Variants in SPAG16 observed in about 807,000 individuals in gnomAD.
SPAG16 encodes the protein sperm-associated antigen 16 protein.
Under a neutral mutation model 80.4 loss-of-function variants are expected in SPAG16, and 86 were observed. That is an observed-to-expected ratio of 1.07 (90% CI 0.90 to 1.28). The LOEUF is 1.28. Among genes scored for constraint, SPAG16 ranks in the 50% most tolerant of loss-of-function variants. SPAG16 has a pLI of 0.00. For missense variants in SPAG16, 870 were observed against 765.3 expected, an observed-to-expected ratio of 1.14 and a Z score of -1.61; for synonymous variants, 294 against 265.9, an observed-to-expected ratio of 1.11 and a Z score of -1.03.
At chr2:214,110,659 G>A (rs923684914) in intron 14 of SPAG16, among the ~76,000 whole-genome samples, 6 of 152,194 alleles carry the variant, frequency 3.9e-5, no homozygotes, top group African/African-American at 1.4e-4. Flanking sequence ...CCCAGTAATG[G>A]GATGGCTGGG....
At chr2:214,368,358 G>A (rs142137624) in intron 15 of SPAG16, among the ~76,000 whole-genome samples, 1 of 151,984 alleles carries the variant, frequency 6.6e-6, no homozygotes, top group African/African-American at 2.4e-5. Flanking sequence ...CCTAGTCTGT[G>A]GTCAAGAAAA....
chr2:214,177,956 C>A (rs1362337127), intron 15 of SPAG16, among the ~76,000 whole-genome samples: 1 of 84,170 alleles, frequency 1.2e-5, no homozygotes, highest in Non-Finnish European at 2.2e-5. Flanking sequence ...TTATATCTAA[C>A]TTCACAAAGT....
chr2:213,811,815 G>A (rs2072173999), intron 10 of SPAG16, among the ~76,000 whole-genome samples: 1 of 152,124 alleles, frequency 6.6e-6, no homozygotes, highest in Non-Finnish European at 1.5e-5. Flanking sequence ...TGCTGAGACA[G>A]ATAGCTTTAA....
intron 15 of SPAG16, among the ~76,000 whole-genome samples, chr2:214,303,249 G>C (rs1056878563): frequency 1.8e-4 from 27 of 152,122 alleles, no homozygotes; most frequent in African/African-American, 6.5e-4. Context: ...GTGTTTTTAT[G>C]ATGGCAAGGA....
intron 10 of SPAG16, among the ~76,000 whole-genome samples, chr2:213,860,588 A>G (rs5015907): frequency 0.34 from 51,832 of 151,062 alleles, 9,372 homozygotes; most frequent in South Asian, 0.47. Context: ...CATGTGGAAT[A>G]GGAGTCCAAG....
At chr2:213,573,024 C>G (rs1319824652) in intron 10 of SPAG16, among the ~76,000 whole-genome samples, 1 of 152,172 alleles carries the variant, frequency 6.6e-6, no homozygotes, top group East Asian at 1.9e-4. Flanking sequence ...TCACCCCTTT[C>G]TTTGACTCGG....
chr2:214,383,121 A>G (rs1384873852), intron 15 of SPAG16, among the ~76,000 whole-genome samples: 1 of 152,220 alleles, frequency 6.6e-6, no homozygotes, highest in Non-Finnish European at 1.5e-5. Context: ...CACTGAACTT[A>G]TAATCCAATA....
chr2:214,092,900 C>T (rs1185349975), intron 13 of SPAG16, among the ~76,000 whole-genome samples: 5 of 150,622 alleles, frequency 3.3e-5, no homozygotes, highest in African/African-American at 1.2e-4. Flanking sequence ...GACTCTTGTG[C>T]CTTGATTCTT....
Position 213,684,477 on chromosome 2 carries a change from T to C in SPAG16, c.1071-178008T>C, listed in dbSNP as rs147413845. On this transcript the variant is annotated intron_variant, in intron 10 of 15. Coordinates refer to ENST00000331683, the MANE Select transcript of SPAG16 (RefSeq NM_024532.5). Reference sequence around the variant, plus strand: ...GACCATTCCAGAATTGATTTTACACTTCACTTTTCTAATGTTCACATATTA... The same window carrying C: ...GACCATTCCAGAATTGATTTTACACCTCACTTTTCTAATGTTCACATATTA... Among the ~76,000 whole-genome samples, 402 of 152,344 alleles carry C rather than the reference T, an allele frequency of 2.6e-3. 1 individual carries two copies. The highest frequency in any genetic ancestry group is 8.0e-3 in the African/African-American group (331 of 41,562).
At chr2:214,296,932 C>A (rs1338485443) in intron 15 of SPAG16, among the ~76,000 whole-genome samples, 2 of 152,162 alleles carry the variant, frequency 1.3e-5, no homozygotes, top group African/African-American at 4.8e-5. Flanking sequence ...CCCATTCTCT[C>A]TCTTGTTCAC....
intron 10 of SPAG16, among the ~76,000 whole-genome samples, chr2:213,541,312 C>T (rs1163062338): frequency 6.6e-6 from 1 of 152,098 alleles, no homozygotes; most frequent in African/African-American, 2.4e-5. Flanking sequence ...AAACTGCTGA[C>T]AGAGTATGCT....
chr2:214,398,197 C>A (rs1025528669), intron 15 of SPAG16, among the ~76,000 whole-genome samples: 1 of 152,106 alleles, frequency 6.6e-6, no homozygotes, highest in African/African-American at 2.4e-5. Context: ...AAGAAGGCAT[C>A]CTAATAACAT....
Position 213,671,968 on chromosome 2 carries a change from T to C in SPAG16, c.1070+181878T>C, listed in dbSNP as rs143533135. 1.5e-3 allele frequency among the ~76,000 whole-genome samples: 232 copies of C among 152,332 alleles called. 2 individuals are homozygous for C. The highest frequency in any genetic ancestry group is 5.1e-3 in the African/African-American group (213 of 41,578). ...ATTATCCCCATTTATCTGAAAATAT[T>C]TATTATGCATCATCAGCACATGAGA... is the stretch of plus-strand genomic sequence containing the variant. On this transcript the variant is annotated intron_variant, in intron 10 of 15. Transcript: ENST00000331683.
chr2:213,468,422 T>C (rs2072838791), intron 9 of SPAG16, among the ~76,000 whole-genome samples: 1 of 143,540 alleles, frequency 7.0e-6, no homozygotes, highest in Admixed American at 7.1e-5. Flanking sequence ...TATGTACAGA[T>C]ATATATATAT....
intron 9 of SPAG16, among the ~76,000 whole-genome samples, chr2:213,403,922 C>T (rs2068467495): frequency 2.0e-5 from 3 of 152,128 alleles, no homozygotes; most frequent in Admixed American, 2.0e-4. Context: ...AAGAGACAAA[C>T]AGAGAGCCAA....
intron 11 of SPAG16, among the ~76,000 whole-genome samples, chr2:213,880,811 C>T (rs1322049376): frequency 6.6e-6 from 1 of 152,012 alleles, no homozygotes. Context: ...TTTCTGGGTT[C>T]TCTATTTTGA....
At chr2:214,083,290 T>C (rs1345315548) in intron 13 of SPAG16, among the ~76,000 whole-genome samples, 1 of 152,198 alleles carries the variant, frequency 6.6e-6, no homozygotes, top group Non-Finnish European at 1.5e-5. Context: ...GGTAATCATC[T>C]GACTGGTAAG....
intron 10 of SPAG16, among the ~76,000 whole-genome samples, chr2:213,860,486 T>C (rs1001072166): frequency 2.8e-5 from 4 of 140,668 alleles, no homozygotes; most frequent in African/African-American, 5.4e-5. Context: ...TATATATATA[T>C]ACACACATAT....
chr2:214,108,191 C>G lies in SPAG16; in HGVS notation c.1528-5C>G. ...TTTGACTCTGTTTCTGCTTTGTCTT[C>G]CTAGGGTATATGTGAGCAGTCACTT... On this transcript the variant is annotated splice_region_variant and splice_polypyrimidine_tract_variant and intron_variant, in intron 13 of 15. Coordinates refer to ENST00000331683, the MANE Select transcript of SPAG16 (RefSeq NM_024532.5). 2 of 1,557,284 alleles carry G rather than the reference C, an allele frequency of 1.3e-6. No individual in the cohort carries two copies. Among genetic ancestry groups the G allele is most frequent in the South Asian group, 1.2e-5 (1 of 83,710 alleles).
Sources: gnomAD v4.1 joint callset for allele counts (sites outside exome capture counted in the v4.1 genomes callset) on GRCh38, gnomAD v4.1.1 for gene constraint, MANE v1.5 for transcripts, NCBI Gene and HGNC (gene_info 2026-07-23, HGNC 2026-07-21) for gene names.